Variants in MARCHF1 observed in about 807,000 individuals in gnomAD.
MARCHF1 encodes the protein membrane associated ring-CH-type finger 1.
In MARCHF1, 40 loss-of-function variants were observed where a neutral mutation model predicts 54.2. The observed-to-expected ratio is 0.74, with a 90% CI of 0.57 to 0.96. The LOEUF is 0.96. Ranked by LOEUF, MARCHF1 falls within the 40% of genes least tolerant of loss-of-function variation. MARCHF1 has a pLI of 0.00. For missense variants in MARCHF1, 586 were observed against 656.5 expected (o/e 0.89, Z 1.17); for synonymous variants, 236 against 236.3 (o/e 1.00, Z 0.01).
At chr4:164,191,186 T>C (rs544778630) in intron 1 of MARCHF1, among the ~76,000 whole-genome samples, 63 of 152,344 alleles carry the variant, frequency 4.1e-4, no homozygotes, top group Admixed American at 2.0e-3. Flanking sequence ...TGCAAAATTC[T>C]TTATTAATTA....
chr4:163,778,174 GGA>G lies in MARCHF1; in HGVS notation c.111+75845_111+75846del, dbSNP rs1747358878. ...TTTTCTTATCTATTTAGCAGTTGGT[GGA>G]CATTTTGGTTGTTTCATGAATTGGG... On this transcript the variant is annotated intron_variant, in intron 4 of 9. Transcript: ENST00000514618. 2.0e-5 allele frequency among the ~76,000 whole-genome samples: 3 copies of G among 146,850 alleles called. No individual in the cohort carries two copies. The Admixed American group carries it at 2.1e-4, about 10-fold the overall frequency.
intron 5 of MARCHF1, among the ~76,000 whole-genome samples, chr4:163,620,793 C>T (rs72991537): frequency 0.086 from 13,136 of 152,144 alleles, 1,762 homozygotes; most frequent in African/African-American, 0.29. Flanking sequence ...TGGAAAAGTA[C>T]ACATCTAGCC....
chr4:164,087,442 A>G (rs1448346602), intron 2 of MARCHF1, among the ~76,000 whole-genome samples: 1 of 152,160 alleles, frequency 6.6e-6, no homozygotes. Flanking sequence ...TTATGAGCAA[A>G]AACATGAAGA....
intron 3 of MARCHF1, among the ~76,000 whole-genome samples, chr4:163,868,558 T>C (rs1464523825): frequency 6.6e-6 from 1 of 152,026 alleles, no homozygotes; most frequent in African/African-American, 2.4e-5. Context: ...TGCAATTTCA[T>C]CATTTCACAA....
At chr4:164,050,304 A>G (rs1010410294) in intron 2 of MARCHF1, among the ~76,000 whole-genome samples, 1 of 146,330 alleles carries the variant, frequency 6.8e-6, no homozygotes, top group African/African-American at 2.5e-5. Flanking sequence ...AAAAAAAAAA[A>G]AGGCCCTAGC....
At chr4:164,016,448 A>G (rs559342955) in intron 2 of MARCHF1, among the ~76,000 whole-genome samples, 1 of 152,308 alleles carries the variant, frequency 6.6e-6, no homozygotes, top group Admixed American at 6.5e-5. Flanking sequence ...GGGTGGGGAC[A>G]CAAAACCTAA....
At position 163,699,318 on chromosome 4, in the gene MARCHF1, T is replaced by C. The variant is rs568084765; in HGVS notation, c.162+1495A>G. Among the ~76,000 whole-genome samples, 297 of 152,332 alleles carry C rather than the reference T, an allele frequency of 1.9e-3. 1 individual carries two copies. Among genetic ancestry groups the C allele is most frequent in the African/African-American group, 6.8e-3 (283 of 41,588 alleles). On this transcript the variant is annotated intron_variant, in intron 5 of 9. Transcript: ENST00000514618. Reference sequence around the variant, plus strand: ...TGGATGGTGTTGCAAGACAGAGATATGGTCTCCCTATGGAGGAATGGCAGG... The same window carrying C: ...TGGATGGTGTTGCAAGACAGAGATACGGTCTCCCTATGGAGGAATGGCAGG...
chr4:163,960,835 G>A (rs1461629205), intron 3 of MARCHF1, among the ~76,000 whole-genome samples: 1 of 151,146 alleles, frequency 6.6e-6, no homozygotes, highest in African/African-American at 2.4e-5. Context: ...AAAACAGACT[G>A]GGTATCTTAA....
At position 163,932,837 on chromosome 4, in the gene MARCHF1, C is replaced by T; in HGVS notation, c.-39+55664G>A. 3.2e-6 allele frequency: 2 copies of T among 625,318 alleles called. 1 individual carries two copies. The highest frequency in any genetic ancestry group is 2.7e-5 in the South Asian group (2 of 73,136). 38.7% of individuals were successfully genotyped at this position (625,318 alleles called of 1,614,324 possible). A position where few individuals can be genotyped will look rare whatever the true frequency, so the allele number is the denominator to read the frequency against. ...AATTGTTGGATAAATATTTAACAGCCAATGCAACTAATCCAGAGAGTGGGG... is the reference window on the plus strand; with the variant it reads ...AATTGTTGGATAAATATTTAACAGCTAATGCAACTAATCCAGAGAGTGGGG... On this transcript the variant is annotated intron_variant, in intron 3 of 9. Transcript: ENST00000514618.
intron 1 of MARCHF1, among the ~76,000 whole-genome samples, chr4:164,182,767 A>G (rs1730867683): frequency 6.6e-6 from 1 of 152,058 alleles, no homozygotes; most frequent in Non-Finnish European, 1.5e-5. Flanking sequence ...TCCTGTTATT[A>G]GAAATTAGTA....
chr4:164,124,067 A>G (rs1425985644), intron 1 of MARCHF1, among the ~76,000 whole-genome samples: 1 of 151,910 alleles, frequency 6.6e-6, no homozygotes, highest in Non-Finnish European at 1.5e-5. Flanking sequence ...AAAAATTGTA[A>G]TAATCTGATC....
At chr4:163,673,382 A>G (rs1743800393) in intron 5 of MARCHF1, among the ~76,000 whole-genome samples, 1 of 152,072 alleles carries the variant, frequency 6.6e-6, no homozygotes, top group Non-Finnish European at 1.5e-5. Context: ...GAATCTCCAG[A>G]CCTTTTAATC....
intron 8 of MARCHF1, among the ~76,000 whole-genome samples, chr4:163,576,790 T>C (rs762454024): frequency 6.6e-6 from 1 of 151,472 alleles, no homozygotes; most frequent in Non-Finnish European, 1.5e-5. Flanking sequence ...CTCTTTATTA[T>C]TATGTAATAT....
intron 3 of MARCHF1, among the ~76,000 whole-genome samples, chr4:163,974,057 G>A (rs566010747): frequency 3.9e-5 from 6 of 152,282 alleles, no homozygotes; most frequent in Admixed American, 2.0e-4. Context: ...CACACTTTCT[G>A]TGCCCTAAAT....
At chr4:163,542,511 A>G (rs1182350935) in intron 9 of MARCHF1, among the ~76,000 whole-genome samples, 2 of 152,242 alleles carry the variant, frequency 1.3e-5, no homozygotes, top group Non-Finnish European at 2.9e-5. Context: ...GACTAAGTAT[A>G]AACCTCTGGG....
At chr4:164,236,343 G>T (rs1732558766) in intron 1 of MARCHF1, among the ~76,000 whole-genome samples, 1 of 152,042 alleles carries the variant, frequency 6.6e-6, no homozygotes, top group Non-Finnish European at 1.5e-5. Flanking sequence ...ATATGCTGCT[G>T]ACTGATTAAC....
chr4:164,296,139 A>G (rs1163566130), intron 1 of MARCHF1, among the ~76,000 whole-genome samples: 2 of 152,344 alleles, frequency 1.3e-5, no homozygotes, highest in East Asian at 3.9e-4. Flanking sequence ...CCTTAACTTA[A>G]AAAGTAATTA....
intron 4 of MARCHF1, among the ~76,000 whole-genome samples, chr4:163,758,629 G>A (rs1485884500): frequency 1.3e-5 from 2 of 152,150 alleles, no homozygotes; most frequent in African/African-American, 4.8e-5. Context: ...TTACAATTCA[G>A]TCAGTGAACA....
At chr4:163,701,508 G>GT (rs965543485) in intron 4 of MARCHF1, among the ~76,000 whole-genome samples, 13 of 152,072 alleles carry the variant, frequency 8.5e-5, no homozygotes, top group Admixed American at 3.9e-4. Flanking sequence ...TTGAATAAAT[G>GT]TTTTTTAAAA....
Sources: gnomAD v4.1 joint callset for allele counts (sites outside exome capture counted in the v4.1 genomes callset) on GRCh38, gnomAD v4.1.1 for gene constraint, MANE v1.5 for transcripts, NCBI Gene and HGNC (gene_info 2026-07-23, HGNC 2026-07-21) for gene names.